The following OLFM3 variants were observed in gnomAD, a reference collection of about 807,000 sequenced individuals.
OLFM3 encodes the protein noelin-3.
In OLFM3, 20 loss-of-function variants were observed where a neutral mutation model predicts 48.6. That is an observed-to-expected ratio of 0.41 (90% CI 0.29 to 0.60). The LOEUF (loss-of-function observed/expected upper bound fraction) is 0.60, where lower values mean the gene tolerates loss of function less well. OLFM3 is among the 20% of genes least tolerant of loss of function. OLFM3 has a pLI of 0.28. For synonymous variants in OLFM3, 222 were observed against 198.1 expected (o/e 1.12, Z -1.01); for missense variants, 437 against 544.3 (o/e 0.80, Z 1.96).
At chr1:101,851,613 G>C (rs1336928995) in intron 1 of OLFM3, among the ~76,000 whole-genome samples, 1 of 152,052 alleles carries the variant, frequency 6.6e-6, no homozygotes, top group Admixed American at 6.6e-5. Context: ...TGTGGCTCTG[G>C]GGCTAATAGT....
At chr1:101,844,926 T>A (rs1655914481) in intron 1 of OLFM3, among the ~76,000 whole-genome samples, 1 of 152,200 alleles carries the variant, frequency 6.6e-6, no homozygotes, top group Non-Finnish European at 1.5e-5. Flanking sequence ...GTCTAAGAGA[T>A]ACTGATGCAT....
chr1:101,866,179 T>G (rs1410881830), intron 1 of OLFM3, among the ~76,000 whole-genome samples: 2 of 152,192 alleles, frequency 1.3e-5, no homozygotes, highest in Non-Finnish European at 2.9e-5. Context: ...AAACACTATG[T>G]TTAGTAATAT....
intron 1 of OLFM3, among the ~76,000 whole-genome samples, chr1:101,895,274 T>C (rs1292286529): frequency 6.6e-6 from 1 of 152,102 alleles, no homozygotes; most frequent in East Asian, 1.9e-4. Context: ...TGTTCCACTC[T>C]ACTAGAATCC....
chr1:101,874,875 C>G (rs533748481), intron 1 of OLFM3, among the ~76,000 whole-genome samples: 1 of 151,944 alleles, frequency 6.6e-6, no homozygotes, highest in Non-Finnish European at 1.5e-5. Context: ...AACTGGCCAG[C>G]TGGAATTTTC....
At chr1:101,838,931 A>T (rs1052054288) in intron 1 of OLFM3, among the ~76,000 whole-genome samples, 4 of 152,196 alleles carry the variant, frequency 2.6e-5, no homozygotes, top group African/African-American at 7.2e-5. Context: ...AGCTCATCAC[A>T]TACCATAAAC....
intron 1 of OLFM3, among the ~76,000 whole-genome samples, chr1:101,956,153 C>T (rs937785265): frequency 1.4e-4 from 21 of 147,760 alleles, no homozygotes; most frequent in Admixed American, 1.4e-3. Context: ...TTCACTGTTA[C>T]CAACATTTTT....
intron 4 of OLFM3, among the ~76,000 whole-genome samples, chr1:101,816,784 TG>T (rs920664903): frequency 6.6e-6 from 1 of 152,164 alleles, no homozygotes; most frequent in Non-Finnish European, 1.5e-5. Context: ...TATTTGTGGT[TG>T]TGGTCAAATA....
chr1:101,898,838 G>T (rs1658293386), intron 1 of OLFM3, among the ~76,000 whole-genome samples: 1 of 152,116 alleles, frequency 6.6e-6, no homozygotes, highest in Admixed American at 6.6e-5. Context: ...GACAGAGCAA[G>T]ACTGTGTCTC....
intron 1 of OLFM3, among the ~76,000 whole-genome samples, chr1:101,925,002 G>C (rs559514529): frequency 4.6e-5 from 7 of 152,212 alleles, no homozygotes; most frequent in Non-Finnish European, 1.0e-4. Context: ...GCTGGAAAGA[G>C]GTTAAGAGAC....
At chr1:101,986,109 G>T (rs984225606) in intron 1 of OLFM3, among the ~76,000 whole-genome samples, 2 of 151,932 alleles carry the variant, frequency 1.3e-5, no homozygotes, top group African/African-American at 4.8e-5. Flanking sequence ...GGGACTACAG[G>T]CGCCCGCCAC....
At chr1:101,860,213 A>G (rs1270536830) in intron 1 of OLFM3, among the ~76,000 whole-genome samples, 1 of 152,044 alleles carries the variant, frequency 6.6e-6, no homozygotes, top group Non-Finnish European at 1.5e-5. Flanking sequence ...TTAATTGTTA[A>G]CAGAAAACAT....
At chr1:101,896,002 AAT>A (rs879611232) in intron 1 of OLFM3, among the ~76,000 whole-genome samples, 3,216 of 150,106 alleles carry the variant, frequency 0.021, 54 homozygotes, top group Non-Finnish European at 0.032. Context: ...TAATAATAAT[AAT>A]AAAAGTATGC....
At chr1:101,984,387 G>A (rs1661179379) in intron 1 of OLFM3, among the ~76,000 whole-genome samples, 1 of 152,026 alleles carries the variant, frequency 6.6e-6, no homozygotes, top group African/African-American at 2.4e-5. Context: ...AATTCAGTTA[G>A]GGCTGTGTGT....
chr1:101,884,006 A>G (rs1196513689), intron 1 of OLFM3, among the ~76,000 whole-genome samples: 1 of 151,900 alleles, frequency 6.6e-6, no homozygotes, highest in Non-Finnish European at 1.5e-5. Context: ...TCTTAAAAAT[A>G]AGAAAGAATG....
chr1:101,980,412 G>A (rs1260296434), intron 1 of OLFM3, among the ~76,000 whole-genome samples: 2 of 152,082 alleles, frequency 1.3e-5, no homozygotes, highest in Non-Finnish European at 2.9e-5. Context: ...CTGGATCATG[G>A]GGGTGGTGTC....
chr1:101,873,081 AG>A (rs1657148991), intron 1 of OLFM3, among the ~76,000 whole-genome samples: 1 of 151,982 alleles, frequency 6.6e-6, no homozygotes, highest in African/African-American at 2.4e-5. Flanking sequence ...AATAAGATGA[AG>A]TCTATCAAAA....
intron 1 of OLFM3, among the ~76,000 whole-genome samples, chr1:101,942,276 A>G (rs1570651240): frequency 6.6e-6 from 1 of 152,196 alleles, no homozygotes; most frequent in Non-Finnish European, 1.5e-5. Context: ...CTACATGTCT[A>G]AAGACCACAG....
At chr1:101,839,061 A>G (rs559856096) in intron 1 of OLFM3, among the ~76,000 whole-genome samples, 1 of 152,298 alleles carries the variant, frequency 6.6e-6, no homozygotes, top group African/African-American at 2.4e-5. Context: ...AACTCAAGAA[A>G]CTCATGATGA....
intron 3 of OLFM3, among the ~76,000 whole-genome samples, chr1:101,826,354 C>A (rs989172647): frequency 6.6e-6 from 1 of 151,966 alleles, no homozygotes; most frequent in Non-Finnish European, 1.5e-5. Context: ...GAGTTTGATT[C>A]AATTGTGAAT....
Sources: allele counts gnomAD v4.1 joint callset (sites outside exome capture counted in the v4.1 genomes callset), GRCh38; gene constraint gnomAD v4.1.1; transcripts MANE v1.5; gene names NCBI Gene and HGNC (gene_info 2026-07-23, HGNC 2026-07-21).